ZNF782: variants seen among roughly 807,000 people sequenced by gnomAD.
The protein encoded by ZNF782 is zinc finger protein 782.
In ZNF782, 12 loss-of-function variants were observed where a neutral mutation model predicts 13.0. That is an observed-to-expected ratio of 0.92 (90% confidence interval 0.59 to 1.50). The LOEUF is 1.50. ZNF782 is among the 40% of genes most tolerant of loss of function. The pLI is 0.00. For missense variants in ZNF782, 770 were observed against 822.9 expected (o/e 0.94, Z 0.79); for synonymous variants, 284 against 283.0 (o/e 1.00, Z -0.04).
At chr9:96,844,483 G>A (rs1032605718) in intron 4 of ZNF782, among the ~76,000 whole-genome samples, 3 of 152,098 alleles carry the variant, frequency 2.0e-5, no homozygotes, top group Admixed American at 1.3e-4. Flanking sequence ...CCAGACAAAA[G>A]GGAGTATATA....
intron 1 of ZNF782, among the ~76,000 whole-genome samples, chr9:96,865,747 C>A (rs533099083): frequency 1.3e-5 from 2 of 152,134 alleles, no homozygotes; most frequent in African/African-American, 2.4e-5. Flanking sequence ...ACTTCTTTAA[C>A]GGCTTTGACC....
chr9:96,835,323 G>A (rs1417376478), intron 4 of ZNF782, among the ~76,000 whole-genome samples: 6 of 152,226 alleles, frequency 3.9e-5, no homozygotes, highest in African/African-American at 1.4e-4. Flanking sequence ...TTGCAGCCTG[G>A]CCGTGTGGAA....
chr9:96,902,416 C>CA, the ZNF782 span, among the ~76,000 whole-genome samples: 1 of 60,814 alleles, frequency 1.6e-5, no homozygotes, highest in South Asian at 5.9e-4. Flanking sequence ...AGTGAATCTC[C>CA]ATCTCAAAAA....
At chr9:96,851,833 TA>T in intron 3 of ZNF782, 113 bp downstream of exon 3, 2 of 1,100,210 alleles carry the variant, frequency 1.8e-6, no homozygotes, top group Non-Finnish European at 2.7e-6. Flanking sequence ...AAACTGTATA[TA>T]TTTTCCCTCA....
chr9:96,844,395 G>A (rs10122501), intron 4 of ZNF782, among the ~76,000 whole-genome samples: 5,109 of 152,146 alleles, frequency 0.034, 286 homozygotes, highest in African/African-American at 0.11. Flanking sequence ...CCCACAAAGC[G>A]GCACTACTTA....
chr9:96,910,890 C>T, the ZNF782 span, among the ~76,000 whole-genome samples: 1 of 150,426 alleles, frequency 6.6e-6, no homozygotes, highest in Non-Finnish European at 1.5e-5. Flanking sequence ...CCCACCTCGG[C>T]CTCCCAAAGT....
chr9:96,920,013 T>A, the ZNF782 span, among the ~76,000 whole-genome samples: 1 of 151,378 alleles, frequency 6.6e-6, no homozygotes, highest in Non-Finnish European at 1.5e-5. Context: ...ATTGTAAACA[T>A]CTAGCTAAGA....
chr9:96,883,087 C>A, the ZNF782 span, among the ~76,000 whole-genome samples: 1 of 152,128 alleles, frequency 6.6e-6, no homozygotes, highest in East Asian at 1.9e-4. Context: ...TGTTTAGTTT[C>A]TTTGCATTGC....
intron 4 of ZNF782, among the ~76,000 whole-genome samples, chr9:96,828,642 C>A (rs1850702946): frequency 6.6e-6 from 1 of 152,048 alleles, no homozygotes; most frequent in South Asian, 2.1e-4. Flanking sequence ...CCAGCCTGGG[C>A]AACACATAGA....
At chr9:96,857,268 T>C (rs867762385), upstream of ZNF782, among the ~76,000 whole-genome samples, 35 of 152,206 alleles carry the variant, frequency 2.3e-4, no homozygotes, top group African/African-American at 7.7e-4. Flanking sequence ...CCTCTTTTCA[T>C]GATGCCCTTG....
intron 4 of ZNF782, among the ~76,000 whole-genome samples, chr9:96,841,711 CAGA>C (rs1489410516): frequency 1.3e-5 from 2 of 151,948 alleles, no homozygotes; most frequent in South Asian, 4.1e-4. Flanking sequence ...ACTAGGAATA[CAGA>C]AGAAGTTCCA....
intron 4 of ZNF782, among the ~76,000 whole-genome samples, chr9:96,830,659 A>G (rs1850770411): frequency 6.6e-6 from 1 of 152,230 alleles, no homozygotes; most frequent in South Asian, 2.1e-4. Flanking sequence ...CACAGATCTT[A>G]TAATTTCCAA....
chr9:96,880,812 T>G, the ZNF782 span, among the ~76,000 whole-genome samples: 2 of 152,184 alleles, frequency 1.3e-5, no homozygotes, highest in South Asian at 4.1e-4. Flanking sequence ...AGCTGGGAAG[T>G]GTTCTCTCCA....
intron 3 of ZNF782, among the ~76,000 whole-genome samples, chr9:96,848,082 G>A (rs959954311): frequency 2.0e-5 from 3 of 152,128 alleles, no homozygotes; most frequent in African/African-American, 7.2e-5. Flanking sequence ...AATCATCTCA[G>A]TAGATGCAGA....
chr9:96,888,116 T>C, the ZNF782 span: 2 of 151,418 alleles, frequency 1.3e-5, no homozygotes, highest in Admixed American at 1.3e-4. Context: ...CATGTATATG[T>C]ATGTAACTAA....
At chr9:96,889,643 C>A in the ZNF782 span, 17 of 152,148 alleles carry the variant, frequency 1.1e-4, no homozygotes, top group African/African-American at 4.1e-4. Context: ...TCAGGTGATC[C>A]GCCCGCCTTG....
At chr9:96,873,235 A>G (rs1220923605) in intron 1 of ZNF782, among the ~76,000 whole-genome samples, 1 of 152,262 alleles carries the variant, frequency 6.6e-6, no homozygotes, top group Non-Finnish European at 1.5e-5. Flanking sequence ...ACTGCAGACT[A>G]GAATCAGTGA....
chr9:96,866,123 T>TA (rs1394508072), intron 1 of ZNF782, among the ~76,000 whole-genome samples: 3 of 152,194 alleles, frequency 2.0e-5, no homozygotes, highest in Non-Finnish European at 4.4e-5. Context: ...TTTGCATAAG[T>TA]AATGAGGAGC....
At chr9:96,892,459 T>C in the ZNF782 span, 1 of 152,248 alleles carries the variant, frequency 6.6e-6, no homozygotes, top group South Asian at 2.1e-4. Flanking sequence ...GGTGTGACTG[T>C]CATGCGTGGA....
Sources: gnomAD v4.1 joint callset for allele counts (sites outside exome capture counted in the v4.1 genomes callset) on GRCh38, gnomAD v4.1.1 for gene constraint, MANE v1.5 for transcripts, NCBI Gene and HGNC (gene_info 2026-07-23, HGNC 2026-07-21) for gene names.